NCK1: variants seen among roughly 807,000 people sequenced by gnomAD.
NCK1 encodes the protein NCK adaptor protein 1, also known as SH2/SH3 adapter protein NCK1.
NCK1 carries 19 observed loss-of-function variants against 36.6 expected under a neutral mutation model. That is an observed-to-expected ratio of 0.52 (90% CI 0.36 to 0.76). The LOEUF is 0.76. Among genes scored for constraint, NCK1 ranks in the 30% least tolerant of loss-of-function variants. The pLI is 0.00. For synonymous variants in NCK1, 165 were observed against 156.0 expected (o/e 1.06, Z -0.43); for missense variants, 358 against 445.6 (o/e 0.80, Z 1.77).
chr3:136,937,660 G>T (rs185121583), intron 2 of NCK1, among the ~76,000 whole-genome samples: 2 of 152,114 alleles, frequency 1.3e-5, no homozygotes, highest in African/African-American at 4.8e-5. Flanking sequence ...TCTGATACTT[G>T]GTTAAAATTA....
At chr3:136,921,318 C>CTGAGTTAA (rs1940103408) in intron 1 of NCK1, among the ~76,000 whole-genome samples, 1 of 152,106 alleles carries the variant, frequency 6.6e-6, no homozygotes, top group Non-Finnish European at 1.5e-5. Flanking sequence ...ACTCAGGAAA[C>CTGAGTTAA]AACTAGAGGA....
chr3:136,882,414 A>G (rs1457441468), intron 1 of NCK1, among the ~76,000 whole-genome samples: 2 of 152,116 alleles, frequency 1.3e-5, no homozygotes, highest in Admixed American at 6.5e-5. Flanking sequence ...TTGTCTGTCC[A>G]TTTAACTCAT....
chr3:136,921,901 A>C (rs1253389276), intron 1 of NCK1, among the ~76,000 whole-genome samples: 1 of 152,154 alleles, frequency 6.6e-6, no homozygotes, highest in East Asian at 1.9e-4. Context: ...CCCCTGCCTC[A>C]GTCTCCTGAG....
At chr3:136,912,007 CTCCTT>C (rs1244160734) in intron 1 of NCK1, among the ~76,000 whole-genome samples, 1 of 152,022 alleles carries the variant, frequency 6.6e-6, no homozygotes, top group Non-Finnish European at 1.5e-5. Context: ...ATTACTCTTA[CTCCTT>C]TCAAGAGTCT....
chr3:136,946,363 T>C, intron 3 of NCK1, 68 bp downstream of exon 3: 1 of 1,393,230 alleles, frequency 7.2e-7, no homozygotes, highest in Non-Finnish European at 9.8e-7. Flanking sequence ...GAGAGAGAAA[T>C]GGAGAGGTTA....
intron 2 of NCK1, among the ~76,000 whole-genome samples, chr3:136,931,363 T>G (rs1386014118): frequency 6.6e-6 from 1 of 152,176 alleles, no homozygotes; most frequent in African/African-American, 2.4e-5. Flanking sequence ...AGAAGTCTCT[T>G]ATGCACAACA....
At chr3:136,913,268 T>G (rs891726448) in intron 1 of NCK1, among the ~76,000 whole-genome samples, 3 of 152,058 alleles carry the variant, frequency 2.0e-5, no homozygotes, top group Non-Finnish European at 4.4e-5. Context: ...ATTTGCTGGG[T>G]TTTTGTGTGT....
intron 1 of NCK1, among the ~76,000 whole-genome samples, chr3:136,927,700 T>C (rs748532304): frequency 3.6e-4 from 55 of 152,126 alleles, no homozygotes; most frequent in Non-Finnish European, 6.3e-4. Context: ...TTTTGTATTT[T>C]AGTACAGATG....
At chr3:136,903,147 A>T (rs918202455) in intron 1 of NCK1, among the ~76,000 whole-genome samples, 1 of 152,160 alleles carries the variant, frequency 6.6e-6, no homozygotes, top group Non-Finnish European at 1.5e-5. Flanking sequence ...GGTGCCTTAT[A>T]TGTTTGGAAT....
chr3:136,917,031 A>G (rs1025490072), intron 1 of NCK1, among the ~76,000 whole-genome samples: 1 of 152,202 alleles, frequency 6.6e-6, no homozygotes, highest in Non-Finnish European at 1.5e-5. Flanking sequence ...AAGGTGAAAT[A>G]TTGTACATTT....
At chr3:136,864,181 A>G (rs907310975) in intron 1 of NCK1, among the ~76,000 whole-genome samples, 2 of 151,904 alleles carry the variant, frequency 1.3e-5, no homozygotes, top group Non-Finnish European at 2.9e-5. Flanking sequence ...AGGTCCATCT[A>G]AATAAAATTT....
chr3:136,910,347 C>G (rs117046628), intron 1 of NCK1, among the ~76,000 whole-genome samples: 5 of 152,106 alleles, frequency 3.3e-5, no homozygotes. Context: ...ATCCCTACCC[C>G]CTTTTGGTTA....
chr3:136,895,283 A>G (rs12489085), intron 1 of NCK1, among the ~76,000 whole-genome samples: 152,234 of 152,278 alleles, frequency 1, 76,095 homozygotes, highest in Middle Eastern at 1. Flanking sequence ...CTGATGATAG[A>G]TGTGTATAAG....
chr3:136,941,657 A>T (rs550287140), intron 2 of NCK1, among the ~76,000 whole-genome samples: 1 of 151,998 alleles, frequency 6.6e-6, no homozygotes, highest in Non-Finnish European at 1.5e-5. Flanking sequence ...TAGAATTGAA[A>T]TTTTTGTTTT....
At chr3:136,884,763 C>T (rs191632549) in intron 1 of NCK1, among the ~76,000 whole-genome samples, 38 of 150,586 alleles carry the variant, frequency 2.5e-4, no homozygotes, top group Non-Finnish European at 4.7e-4. Context: ...CTCTGTTGCC[C>T]AGGTTGGAGT....
intron 2 of NCK1, chr3:136,928,627 A>T: frequency 6.0e-6 from 1 of 165,728 alleles, no homozygotes; most frequent in Non-Finnish European, 1.3e-5. Context: ...TTCACTTAAA[A>T]CCCTCCATTT....
intron 1 of NCK1, among the ~76,000 whole-genome samples, chr3:136,915,198 A>G (rs9881139): frequency 0.63 from 95,394 of 152,026 alleles, 30,245 homozygotes; most frequent in East Asian, 0.87. Flanking sequence ...CAAGTAGATC[A>G]CATTACTACT....
intron 1 of NCK1, among the ~76,000 whole-genome samples, chr3:136,918,645 C>T (rs1940025151): frequency 6.6e-6 from 1 of 152,174 alleles, no homozygotes; most frequent in Non-Finnish European, 1.5e-5. Flanking sequence ...AACACAAATT[C>T]ACAAACGTTC....
At chr3:136,902,097 T>C (rs1226513793) in intron 1 of NCK1, among the ~76,000 whole-genome samples, 2 of 152,128 alleles carry the variant, frequency 1.3e-5, no homozygotes, top group Non-Finnish European at 2.9e-5. Context: ...TCTTCCTTAA[T>C]GTCTTCCTTG....
Sources: gnomAD v4.1 joint callset for allele counts (sites outside exome capture counted in the v4.1 genomes callset) on GRCh38, gnomAD v4.1.1 for gene constraint, MANE v1.5 for transcripts, NCBI Gene and HGNC (gene_info 2026-07-23, HGNC 2026-07-21) for gene names.